The following DNER variants were observed in gnomAD, a reference collection of about 807,000 sequenced individuals.
The protein encoded by DNER is delta and Notch-like epidermal growth factor-related receptor.
A neutral mutation model predicts 78.2 loss-of-function variants in DNER; 33 were observed. That is an observed-to-expected ratio of 0.42 (90% CI 0.32 to 0.56). The LOEUF is 0.56. DNER is among the 20% of genes least tolerant of loss of function. The pLI is 0.11. For synonymous variants in DNER, 417 were observed against 384.8 expected (o/e 1.08, Z -0.98); for missense variants, 918 against 975.3 (o/e 0.94, Z 0.78).
At chr2:229,531,057 T>C (rs1696291293) in intron 5 of DNER, among the ~76,000 whole-genome samples, 1 of 152,216 alleles carries the variant, frequency 6.6e-6, no homozygotes, top group South Asian at 2.1e-4. Context: ...CCATCTTCTC[T>C]GAATTTGCCT....
rs115452049 is a variant in DNER at position 229,550,127 on chromosome 2, G to A, written c.848-3035C>T. 8.1e-3 allele frequency among the ~76,000 whole-genome samples: 1,229 copies of A among 151,516 alleles called. 20 individuals carry two copies. The highest frequency in any genetic ancestry group is 0.028 in the African/African-American group (1,162 of 41,298). On this transcript the variant is annotated intron_variant, in intron 4 of 12. Transcript: ENST00000341772. ...TGTGCCCCAGCCTCCCAAGTACCTG[G>A]GATTACATATACGCGCCACCACACC...
rs766950356 is a variant in DNER at position 229,477,157 on chromosome 2, G to A, written c.1244C>T (p.Thr415Ile). ...ATCISSLSGF[T>I]CQCPEGYFGS... ...CTAATTACCTTCTGGACACTGGCAG[G>A]TGAATCCACTGAGACTGGAAATGCA... Residue 415 changes from threonine (T) to isoleucine (I), a missense_variant, in exon 7 of 13, where the codon ACC becomes ATC. Physicochemically the swap from Thr to Ile is moderately conservative, Grantham distance 89 (BLOSUM62 -1). Coordinates refer to ENST00000341772, the MANE Select transcript of DNER (RefSeq NM_139072.4). The A allele has an allele frequency of 1.9e-6, 3 of 1,613,670 alleles. No individual in the cohort carries two copies. The highest frequency in any genetic ancestry group is 2.5e-6 in the Non-Finnish European group (3 of 1,179,842).
At chr2:229,457,967 C>A (rs1471674907) in intron 7 of DNER, among the ~76,000 whole-genome samples, 10 of 150,928 alleles carry the variant, frequency 6.6e-5, no homozygotes, top group Non-Finnish European at 1.2e-4. Context: ...GAAACCCTGT[C>A]TCTACTAAAA....
At chr2:229,420,164 C>T (rs746840031) in intron 8 of DNER, among the ~76,000 whole-genome samples, 5 of 151,736 alleles carry the variant, frequency 3.3e-5, no homozygotes, top group Non-Finnish European at 7.4e-5. Context: ...TGTCTATGGC[C>T]GTTTTAACAC....
rs1258013603 is a variant in DNER at position 229,714,437 on chromosome 2, G to C, written c.-14C>G. ...GCGGGGCTGCATGGCCGGCCGGGAG[G>C]GCGCGGGAGCCGGAGCCAGGACGCA... On this transcript the variant is annotated 5_prime_UTR_variant, in exon 1 of 13. Coordinates refer to ENST00000341772, the MANE Select transcript of DNER (RefSeq NM_139072.4). 1 of 1,126,168 alleles carries C rather than the reference G, an allele frequency of 8.9e-7. No homozygotes were observed. Among genetic ancestry groups the C allele is most frequent in the African/African-American group, 1.7e-5 (1 of 60,430 alleles). 69.8% of individuals were successfully genotyped at this position (1,126,168 alleles called of 1,614,324 possible).
At chr2:229,563,847 C>A (rs1280108363) in intron 4 of DNER, among the ~76,000 whole-genome samples, 1 of 140,972 alleles carries the variant, frequency 7.1e-6, no homozygotes, top group East Asian at 2.4e-4. Flanking sequence ...CACCCCACCA[C>A]CGTCATCATC....
chr2:229,694,650 A>G (rs1035343309), intron 1 of DNER, among the ~76,000 whole-genome samples: 3 of 152,184 alleles, frequency 2.0e-5, no homozygotes, highest in African/African-American at 7.2e-5. Flanking sequence ...CTTGGATGGG[A>G]CTTGTAGCCC....
chr2:229,426,427 C>T (rs574920966), intron 8 of DNER, among the ~76,000 whole-genome samples: 71 of 113,374 alleles, frequency 6.3e-4, no homozygotes, highest in African/African-American at 2.3e-3. Context: ...GGTGACAGAG[C>T]GAGACTCCAT....
chr2:229,419,037 A>G (rs1693709156), intron 8 of DNER, among the ~76,000 whole-genome samples: 1 of 152,178 alleles, frequency 6.6e-6, no homozygotes, highest in African/African-American at 2.4e-5. Context: ...GAAATTATTG[A>G]TGAAATGTGA....
At chr2:229,618,005 A>G (rs72991619) in intron 1 of DNER, among the ~76,000 whole-genome samples, 3,351 of 152,314 alleles carry the variant, frequency 0.022, 49 homozygotes, top group Middle Eastern at 0.034. Flanking sequence ...TGATCTTTGA[A>G]AAGTCACATG....
At chr2:229,502,682 CA>C (rs1195411598) in intron 6 of DNER, among the ~76,000 whole-genome samples, 1 of 152,174 alleles carries the variant, frequency 6.6e-6, no homozygotes, top group Non-Finnish European at 1.5e-5. Context: ...GGATGGTTAT[CA>C]TTTCTTCAGA....
chr2:229,447,454 C>A lies in DNER; in HGVS notation c.1348G>T (p.Val450Leu), dbSNP rs1368504890. 6.2e-7 allele frequency: 1 copy of A among 1,614,162 alleles called. No homozygotes were observed. Among genetic ancestry groups the A allele is most frequent in the Admixed American group, 1.7e-5 (1 of 60,026 alleles). ...QNNGTCYVDG[V>L]HFTCNCSPGF... ...GGGCTGCAGTTGCAGGTAAAGTGTA[C>A]CCCGTCCACATAGCAGGTGCCGTTG... Residue 450 changes from valine to leucine, a missense_variant, in exon 8 of 13, where the codon GTA (valine) becomes TTA (leucine). By Grantham distance (32) the Val-to-Leu change is conservative (BLOSUM62 1). Coordinates refer to ENST00000341772, the MANE Select transcript of DNER (RefSeq NM_139072.4).
At chr2:229,554,869 AG>A (rs1696821222) in intron 4 of DNER, among the ~76,000 whole-genome samples, 1 of 51,020 alleles carries the variant, frequency 2.0e-5, no homozygotes, top group African/African-American at 8.0e-5. Context: ...AGAGAAGAGA[AG>A]AGAAGAGAAG....
At chr2:229,670,939 CAAT>C (rs1324570134) in intron 1 of DNER, among the ~76,000 whole-genome samples, 2 of 152,096 alleles carry the variant, frequency 1.3e-5, no homozygotes, top group African/African-American at 2.4e-5. Context: ...AAAAAAGACA[CAAT>C]AAGACCTGGA....
intron 1 of DNER, among the ~76,000 whole-genome samples, chr2:229,605,655 T>C (rs1264500501): frequency 3.9e-5 from 6 of 152,098 alleles, no homozygotes; most frequent in Admixed American, 2.6e-4. Context: ...TTGAACTATG[T>C]GAATTGTTAG....
rs186417431 is a variant in DNER, at chr2:229,642,798, C to A, written c.277-50910G>T. 1.1e-4 allele frequency among the ~76,000 whole-genome samples: 16 copies of A among 152,312 alleles called. No homozygotes were observed. In the East Asian group the frequency reaches 2.7e-3, roughly 26 times the overall value. On this transcript the variant is annotated intron_variant, in intron 1 of 12. Transcript: ENST00000341772. ...AGGGTATAAACATCCCCTATAAATG[C>A]AGAGAACCAACAATTGAACAAAATA...
intron 8 of DNER, among the ~76,000 whole-genome samples, chr2:229,442,511 T>C (rs1694256871): frequency 4.2e-5 from 4 of 94,134 alleles, no homozygotes; most frequent in Admixed American, 2.0e-4. Flanking sequence ...CAACGCTCTG[T>C]CTTAAAAAAA....
rs1343807174 is a variant in DNER at position 229,358,294 on chromosome 2, GCA to G, written c.*244_*245del. Reference sequence around the variant, plus strand: ...CGTGATAGTGTCTACAGTGAAAAGAGCACACACTAGTAGAAGCACACAGTTTA... The same window carrying G: ...CGTGATAGTGTCTACAGTGAAAAGAGCACACTAGTAGAAGCACACAGTTTA... On this transcript the variant is annotated 3_prime_UTR_variant, in exon 13 of 13. Transcript: ENST00000341772. The G allele has an allele frequency of 3.8e-6, 1 of 263,628 alleles. No individual in the cohort carries two copies. The highest frequency in any genetic ancestry group is 7.1e-6 in the Non-Finnish European group (1 of 139,998). 16.3% of individuals were successfully genotyped at this position (263,628 alleles called of 1,614,324 possible). A position where few individuals can be genotyped will look rare whatever the true frequency, so the allele number is the denominator to read the frequency against.
chr2:229,630,517 AT>A lies in DNER; in HGVS notation c.277-38630del, dbSNP rs1403360333. Among the ~76,000 whole-genome samples the A allele has an allele frequency of 6.4e-4, 94 of 146,414 alleles. 2 individuals are homozygous for A. The highest frequency in any genetic ancestry group is 2.4e-3 in the African/African-American group (94 of 38,486). On this transcript the variant is annotated intron_variant, in intron 1 of 12. Transcript: ENST00000341772. ...AATAATAATAATAATAATAATAATA[AT>A]AATAAAATCTTCTGGCAGATGTTTA...
Sources: allele counts gnomAD v4.1 joint callset (sites outside exome capture counted in the v4.1 genomes callset), GRCh38; gene constraint gnomAD v4.1.1; transcripts MANE v1.5; gene names NCBI Gene and HGNC (gene_info 2026-07-23, HGNC 2026-07-21).